The following LEPR variants were observed in gnomAD, a reference collection of about 807,000 sequenced individuals.
The protein encoded by LEPR is OB receptor.
In LEPR, 56 loss-of-function variants were observed where a neutral mutation model predicts 114.7. That is an observed-to-expected ratio of 0.49 (90% CI 0.39 to 0.61). LEPR has a LOEUF of 0.61. LEPR is among the 20% of genes least tolerant of loss of function. LEPR has a pLI of 0.00. For synonymous variants in LEPR, 443 were observed against 461.4 expected (o/e 0.96, Z 0.51); for missense variants, 1,202 against 1,352.9 (o/e 0.89, Z 1.75).
intron 2 of LEPR, among the ~76,000 whole-genome samples, chr1:65,472,604 GTA>G (rs1014060787): frequency 5.4e-4 from 65 of 121,206 alleles, no homozygotes; most frequent in Non-Finnish European, 1.5e-4. Flanking sequence ...TTAAATGAGT[GTA>G]TATATATAGA....
At chr1:65,428,973 C>T (rs1398788912) in intron 2 of LEPR, among the ~76,000 whole-genome samples, 1 of 152,060 alleles carries the variant, frequency 6.6e-6, no homozygotes, top group Non-Finnish European at 1.5e-5. Context: ...TATTTATTTT[C>T]ATGCCTTCCG....
At chr1:65,579,645 A>G (rs1343981) in intron 5 of LEPR, among the ~76,000 whole-genome samples, 46,147 of 152,062 alleles carry the variant, frequency 0.3, 7,890 homozygotes, top group East Asian at 0.83. Flanking sequence ...TGTGATTAAA[A>G]ATTCTCACTT....
chr1:65,434,961 A>G, intron 2 of LEPR: 1 of 985,506 alleles, frequency 1.0e-6, no homozygotes, highest in Non-Finnish European at 1.2e-6. Context: ...ATTCCTTTTG[A>G]CACCTGCATT....
At chr1:65,442,588 A>G (rs150040131) in intron 2 of LEPR, among the ~76,000 whole-genome samples, 258 of 152,336 alleles carry the variant, frequency 1.7e-3, no homozygotes, top group African/African-American at 5.4e-3. Context: ...AATATTTTAC[A>G]GAGTCTGACT....
chr1:65,558,570 T>A (rs1233190092), intron 2 of LEPR, among the ~76,000 whole-genome samples: 1 of 69,804 alleles, frequency 1.4e-5, no homozygotes, highest in Non-Finnish European at 2.8e-5. Context: ...TTTTTATACT[T>A]TAAGTTTTAG....
At chr1:65,581,201 G>A (rs1654958276) in intron 5 of LEPR, among the ~76,000 whole-genome samples, 2 of 152,112 alleles carry the variant, frequency 1.3e-5, no homozygotes, top group Admixed American at 6.6e-5. Flanking sequence ...CAATAAGCAT[G>A]CTTTTTCTAT....
At position 65,602,509 on chromosome 1, in the gene LEPR, T is replaced by A. The variant is rs576774577; in HGVS notation, c.1403+549T>A. Among the ~76,000 whole-genome samples, 4 of 152,154 alleles carry A rather than the reference T, an allele frequency of 2.6e-5. No homozygotes were observed. In the South Asian group the frequency reaches 8.3e-4, roughly 32 times the overall value. On this transcript the variant is annotated intron_variant, in intron 10 of 19. Transcript: ENST00000349533. The stretch of plus-strand genomic sequence containing the variant: ...TTACTCTTCTATGTTTTAAAAAGAA[T>A]TCAAGGCATCGTCTTATAGTGGTCC...
intron 2 of LEPR, chr1:65,432,096 T>C (rs1264421836): frequency 2.3e-6 from 3 of 1,308,944 alleles, no homozygotes; most frequent in Non-Finnish European, 2.9e-6. Flanking sequence ...TCTCAGCAAA[T>C]AGACCTGTCA....
chr1:65,431,347 A>G (rs1450429017), intron 2 of LEPR, among the ~76,000 whole-genome samples: 11 of 152,188 alleles, frequency 7.2e-5, no homozygotes. Flanking sequence ...CAAACCATCT[A>G]CTAAGCTGGA....
At position 65,636,836 on chromosome 1, in the gene LEPR, C is replaced by A. The variant is rs370795527; in HGVS notation, c.3319C>A (p.Pro1107Thr). The change falls in exon 20 of 20, where the codon CCC becomes ACC. Residue 1107 changes from proline to threonine, a missense_variant. Physicochemically the swap from Pro to Thr is conservative, Grantham distance 38. Coordinates refer to ENST00000349533, the MANE Select transcript of LEPR (RefSeq NM_002303.6). ...KSRVSCPFPAPCLFTDIRVLQ... is the reference protein window; with the variant it reads ...KSRVSCPFPATCLFTDIRVLQ... Reference sequence around the variant, plus strand: ...AAGGGTATCGTGCCCATTCCCAGCCCCCTGTTTATTCACGGACATCAGAGT... The same window carrying A: ...AAGGGTATCGTGCCCATTCCCAGCCACCTGTTTATTCACGGACATCAGAGT... 5.6e-6 allele frequency: 9 copies of A among 1,612,832 alleles called. No individual in the cohort carries two copies. Among genetic ancestry groups the A allele is most frequent in the Non-Finnish European group, 7.6e-6 (9 of 1,179,672 alleles).
At chr1:65,523,986 T>C (rs1472734650) in intron 2 of LEPR, among the ~76,000 whole-genome samples, 1 of 152,180 alleles carries the variant, frequency 6.6e-6, no homozygotes, top group African/African-American at 2.4e-5. Context: ...AGGCAGAGAC[T>C]GGAGTTACGT....
intron 2 of LEPR, chr1:65,526,165 A>C: frequency 1.0e-6 from 1 of 984,490 alleles, no homozygotes; most frequent in Non-Finnish European, 1.2e-6. Context: ...CTACTTTGGA[A>C]ACTGAAGGGA....
intron 8 of LEPR, 28 bp from the exon 9 acceptor site, chr1:65,601,364 T>G (rs1428511103): frequency 5.6e-6 from 9 of 1,608,656 alleles, no homozygotes; most frequent in Non-Finnish European, 7.6e-6. Flanking sequence ...TTTGTCTTCA[T>G]CTGATATCCT....
rs1658637572 is a variant in LEPR at position 65,634,345 on chromosome 1, T to C, written c.2674-1846T>C. ...CCTTCTTGACTTCTAATAGGTGTCA[T>C]TGAAATGTAAAATCTAAGTATGAAA... On this transcript the variant is annotated intron_variant, in intron 19 of 19. Transcript: ENST00000349533. The C allele has an allele frequency of 7.2e-6, 7 of 978,744 alleles. 1 individual carries two copies. Among genetic ancestry groups the C allele is most frequent in the South Asian group, 9.5e-5 (2 of 21,142 alleles). 60.6% of individuals were successfully genotyped at this position (978,744 alleles called of 1,614,324 possible).
At chr1:65,554,802 C>G (rs1652695854) in intron 2 of LEPR, among the ~76,000 whole-genome samples, 1 of 151,998 alleles carries the variant, frequency 6.6e-6, no homozygotes, top group South Asian at 2.1e-4. Flanking sequence ...GCCCAAATGG[C>G]TGACCACTTT....
intron 5 of LEPR, 111 bp downstream of exon 5, chr1:65,572,560 T>C: frequency 1.8e-6 from 2 of 1,141,130 alleles, no homozygotes; most frequent in Non-Finnish European, 2.5e-6. Flanking sequence ...TCCTATTATA[T>C]GTTTTATTTT....
At chr1:65,480,574 A>G (rs1647212959) in intron 2 of LEPR, among the ~76,000 whole-genome samples, 1 of 152,198 alleles carries the variant, frequency 6.6e-6, no homozygotes, top group South Asian at 2.1e-4. Flanking sequence ...ATGATAACGA[A>G]AGTATCTCAT....
chr1:65,597,351 C>T (rs146460386), intron 7 of LEPR, among the ~76,000 whole-genome samples: 29 of 152,112 alleles, frequency 1.9e-4, no homozygotes, highest in African/African-American at 5.5e-4. Context: ...TTTAACAGTT[C>T]GTTCCGTAAG....
rs371393181 is a variant in LEPR, at chr1:65,575,642, TA to T, written c.494+3202del. ...AGAACATACTAAACAAATGATAAGT[TA>T]AAAAAAAATATAATTCTCTCCTGTG... On this transcript the variant is annotated intron_variant, in intron 5 of 19. Coordinates refer to ENST00000349533, the MANE Select transcript of LEPR (RefSeq NM_002303.6). Among the ~76,000 whole-genome samples the T allele has an allele frequency of 3.0e-3, 445 of 150,484 alleles. 24 individuals are homozygous for T. The highest frequency in any genetic ancestry group is 0.014 in the Middle Eastern group (4 of 290).
Sources: gnomAD v4.1 joint callset for allele counts (sites outside exome capture counted in the v4.1 genomes callset) on GRCh38, gnomAD v4.1.1 for gene constraint, MANE v1.5 for transcripts, NCBI Gene and HGNC (gene_info 2026-07-23, HGNC 2026-07-21) for gene names.